The following MACROD1 variants were observed in gnomAD, a reference collection of about 807,000 sequenced individuals.
The protein encoded by MACROD1 is ADP-ribose glycohydrolase MACROD1.
MACROD1 carries 31 observed loss-of-function variants against 41.4 expected under a neutral mutation model. The ratio of observed to expected loss-of-function variants is 0.75; its 90% CI spans 0.56 to 1.01. The LOEUF is 1.01. MACROD1 is among the 50% of genes least tolerant of loss of function. The probability of loss-of-function intolerance (pLI) is 0.00; values close to 1 mark genes in which losing one functional copy is unlikely to be tolerated. For synonymous variants in MACROD1, 252 were observed against 203.4 expected (o/e 1.24, Z -2.03); for missense variants, 473 against 460.0 (o/e 1.03, Z -0.26).
At chr11:64,152,494 G>A (rs773569768) in intron 1 of MACROD1, 101 bp from the exon 2 acceptor site, 9 of 903,960 alleles carry the variant, frequency 1.0e-5, no homozygotes, top group Non-Finnish European at 1.5e-5. Flanking sequence ...ATGCAAACCA[G>A]CTCTTCCTGT....
chr11:64,046,009 G>A (rs1257753421), intron 3 of MACROD1, among the ~76,000 whole-genome samples: 4 of 152,190 alleles, frequency 2.6e-5, no homozygotes, highest in Admixed American at 6.5e-5. Context: ...GTACAGTACT[G>A]TATCTCATTT....
intron 3 of MACROD1, among the ~76,000 whole-genome samples, chr11:64,081,173 C>G (rs1040277535): frequency 3.3e-5 from 5 of 152,188 alleles, no homozygotes; most frequent in African/African-American, 1.2e-4. Flanking sequence ...AGGTGTCCAC[C>G]ACCATGCCTA....
chr11:63,999,892 A>T, intron 5 of MACROD1, 129 bp from the exon 6 acceptor site: 1 of 1,106,622 alleles, frequency 9.0e-7, no homozygotes, highest in Non-Finnish European at 1.3e-6. Flanking sequence ...CTCCTCCGCG[A>T]AGGCCCCCAC....
chr11:64,117,803 C>G (rs778853979), intron 3 of MACROD1: 2 of 1,614,180 alleles, frequency 1.2e-6, no homozygotes, highest in Non-Finnish European at 1.7e-6. Flanking sequence ...CCATGGAGAC[C>G]AGCAATGCCT....
intron 3 of MACROD1, chr11:64,103,830 C>T (rs1944712545): frequency 1.3e-5 from 2 of 152,232 alleles, no homozygotes; most frequent in South Asian, 4.2e-4. Context: ...CCCTGTACCC[C>T]TTGCACACAG....
intron 3 of MACROD1, among the ~76,000 whole-genome samples, chr11:64,112,191 A>G (rs939619922): frequency 6.6e-6 from 1 of 152,114 alleles, no homozygotes; most frequent in Non-Finnish European, 1.5e-5. Flanking sequence ...GCCCTTGTAG[A>G]GCGTACCTTC....
chr11:64,080,756 G>A (rs1254708708), intron 3 of MACROD1, among the ~76,000 whole-genome samples: 1 of 152,188 alleles, frequency 6.6e-6, no homozygotes, highest in Non-Finnish European at 1.5e-5. Context: ...TGGATCCAGG[G>A]GTGGCTTTTA....
chr11:64,015,539 G>A (rs1190167791), intron 3 of MACROD1, among the ~76,000 whole-genome samples: 2 of 152,148 alleles, frequency 1.3e-5, no homozygotes, highest in Non-Finnish European at 2.9e-5. Context: ...TCACCCGGAC[G>A]CAGACGCATG....
At chr11:64,046,868 C>T (rs1364444738) in intron 3 of MACROD1, among the ~76,000 whole-genome samples, 1 of 152,214 alleles carries the variant, frequency 6.6e-6, no homozygotes, top group South Asian at 2.1e-4. Flanking sequence ...TGCCTCTCCC[C>T]ATCCTCTAGC....
intron 3 of MACROD1, among the ~76,000 whole-genome samples, chr11:64,113,125 A>G (rs901930969): frequency 6.6e-6 from 1 of 152,214 alleles, no homozygotes; most frequent in African/African-American, 2.4e-5. Flanking sequence ...CTGGTTCTCA[A>G]GTAGTCTTGA....
intron 3 of MACROD1, among the ~76,000 whole-genome samples, chr11:64,139,563 A>G (rs1441776053): frequency 1.3e-5 from 2 of 152,190 alleles, no homozygotes; most frequent in African/African-American, 4.8e-5. Context: ...CTCACTGCTA[A>G]TAACAGTCAC....
chr11:64,113,823 CATGG>C (rs138768566), intron 3 of MACROD1, among the ~76,000 whole-genome samples: 14 of 113,808 alleles, frequency 1.2e-4, no homozygotes, highest in African/African-American at 4.2e-4. Flanking sequence ...CAGGTGGACG[CATGG>C]ATGGATGGAT....
At chr11:64,143,801 C>CACA (rs762084927) in intron 3 of MACROD1, among the ~76,000 whole-genome samples, 3 of 144,854 alleles carry the variant, frequency 2.1e-5, no homozygotes, top group African/African-American at 7.5e-5. Flanking sequence ...CACACACACA[C>CACA]AATTTCCTGG....
intron 4 of MACROD1, among the ~76,000 whole-genome samples, chr11:64,014,457 C>A (rs1349875635): frequency 2.0e-5 from 3 of 152,240 alleles, no homozygotes; most frequent in African/African-American, 7.2e-5. Context: ...CTTTTAAAAC[C>A]TGGCCTGGGC....
rs148581590 is a variant in MACROD1, at chr11:64,096,337, G to A, written c.517+54902C>T. On this transcript the variant is annotated intron_variant, in intron 3 of 10. Transcript: ENST00000255681. This position sits in a 1 kb window ranked among gnomAD's most constrained non-coding sequence, Gnocchi z 4.6. ...CCCGAGCTTCCTCTAGGCTGGACAC[G>A]GTCCCTAATGGGCACGGGCGACGCA... 2.1e-3 allele frequency among the ~76,000 whole-genome samples: 315 copies of A among 152,256 alleles called. 3 individuals are homozygous for A. The South Asian group carries it at 0.037, about 18-fold the overall frequency.
chr11:64,153,497 G>C (rs916019204), intron 1 of MACROD1, among the ~76,000 whole-genome samples: 48 of 152,256 alleles, frequency 3.2e-4, no homozygotes, highest in African/African-American at 1.1e-3. Flanking sequence ...CAAATGTTCA[G>C]GGAGGTTGGG....
intron 3 of MACROD1, among the ~76,000 whole-genome samples, chr11:64,049,081 C>T (rs1943641621): frequency 1.3e-5 from 2 of 151,800 alleles, no homozygotes; most frequent in Non-Finnish European, 2.9e-5. Context: ...GGGGCCTTTG[C>T]CTGCACTTTG....
At chr11:64,089,989 A>G (rs760141512) in intron 3 of MACROD1, among the ~76,000 whole-genome samples, 11 of 152,188 alleles carry the variant, frequency 7.2e-5, no homozygotes, top group Non-Finnish European at 1.6e-4. Flanking sequence ...TCATTGTTTC[A>G]GCACTTATGA....
At chr11:64,159,581 G>A (rs1418568469) in intron 1 of MACROD1, among the ~76,000 whole-genome samples, 1 of 151,936 alleles carries the variant, frequency 6.6e-6, no homozygotes, top group Admixed American at 6.6e-5. Context: ...GATCACCTGA[G>A]GTCAGGAGTT....
Sources: gnomAD v4.1 joint callset for allele counts (sites outside exome capture counted in the v4.1 genomes callset) on GRCh38, gnomAD v4.1.1 for gene constraint, Gnocchi (gnomAD v3.1) non-coding constraint, MANE v1.5 for transcripts, NCBI Gene and HGNC (gene_info 2026-07-23, HGNC 2026-07-21) for gene names.